The following GRID2 variants were observed in gnomAD, a reference collection of about 807,000 sequenced individuals.
The protein encoded by GRID2 is glutamate ionotropic receptor delta type subunit 2.
In GRID2, 33 loss-of-function variants were observed where a neutral mutation model predicts 114.8. The ratio of observed to expected loss-of-function variants is 0.29; its 90% confidence interval spans 0.22 to 0.38. The LOEUF (loss-of-function observed/expected upper bound fraction) is 0.38, where lower values mean the gene tolerates loss of function less well. Among genes scored for constraint, GRID2 ranks in the 10% least tolerant of loss-of-function variants. GRID2 has a pLI of 1.00. For missense variants in GRID2, 1,184 were observed against 1,257.7 expected (o/e 0.94, Z 0.89); for synonymous variants, 505 against 449.9 (o/e 1.12, Z -1.55).
intron 11 of GRID2, among the ~76,000 whole-genome samples, chr4:93,457,220 C>T (rs1723292937): frequency 6.6e-6 from 1 of 151,990 alleles, no homozygotes; most frequent in South Asian, 2.1e-4. Flanking sequence ...TGTAGAAGCA[C>T]TTAATATATG....
In GRID2 at chr4:93,081,543, G is replaced by A. The variant is rs116698289; in HGVS notation, c.245-3452G>A. Among the ~76,000 whole-genome samples, 304 of 152,250 alleles carry A rather than the reference G, an allele frequency of 2.0e-3. 2 individuals carry two copies. Among genetic ancestry groups the A allele is most frequent in the African/African-American group, 7.2e-3 (299 of 41,560 alleles). On this transcript the variant is annotated intron_variant, in intron 2 of 15. Coordinates refer to ENST00000282020, the MANE Select transcript of GRID2 (RefSeq NM_001510.4). The stretch of plus-strand genomic sequence containing the variant: ...AAAAATAATAGTTGTGCTTTTGGCA[G>A]TTAGTGCAGGCTCCAAACATCTTTG...
At chr4:93,626,152 TC>T in intron 13 of GRID2, 116 bp from the exon 14 acceptor site, 1 of 597,156 alleles carries the variant, frequency 1.7e-6, no homozygotes, top group Non-Finnish European at 2.9e-6. Context: ...GATTATATGT[TC>T]TATTATTTTT....
intron 13 of GRID2, among the ~76,000 whole-genome samples, chr4:93,515,876 T>C (rs531136829): frequency 2.0e-5 from 3 of 152,300 alleles, no homozygotes; most frequent in East Asian, 1.9e-4. Context: ...AAGGTTCCTA[T>C]GGATGTCTGT....
At chr4:93,644,408 A>T (rs1235966964) in intron 14 of GRID2, among the ~76,000 whole-genome samples, 1 of 152,148 alleles carries the variant, frequency 6.6e-6, no homozygotes, top group Non-Finnish European at 1.5e-5. Flanking sequence ...GACAGAAAGG[A>T]ACTGGCACGC....
intron 2 of GRID2, among the ~76,000 whole-genome samples, chr4:92,615,023 T>C (rs1449886785): frequency 6.6e-6 from 1 of 151,470 alleles, no homozygotes; most frequent in Non-Finnish European, 1.5e-5. Flanking sequence ...CTGGTCAGGC[T>C]ACCAAAAACC....
At chr4:92,808,575 G>A (rs1578218810) in intron 2 of GRID2, among the ~76,000 whole-genome samples, 1 of 151,978 alleles carries the variant, frequency 6.6e-6, no homozygotes, top group African/African-American at 2.4e-5. Flanking sequence ...AAGTCAAAGT[G>A]AACTCATTGT....
chr4:93,393,597 T>A (rs1364115748), intron 8 of GRID2, among the ~76,000 whole-genome samples: 1 of 152,024 alleles, frequency 6.6e-6, no homozygotes, highest in Admixed American at 6.6e-5. Context: ...AATACTAGAA[T>A]GCTTTAGAAT....
intron 2 of GRID2, among the ~76,000 whole-genome samples, chr4:92,890,518 C>T (rs1285721038): frequency 6.6e-6 from 1 of 152,112 alleles, no homozygotes; most frequent in Non-Finnish European, 1.5e-5. Flanking sequence ...AAAAAAAGCT[C>T]ATCATCATTG....
intron 1 of GRID2, among the ~76,000 whole-genome samples, chr4:92,333,002 G>GTA (rs1480705511): frequency 6.6e-6 from 1 of 152,160 alleles, no homozygotes; most frequent in Non-Finnish European, 1.5e-5. Flanking sequence ...TCTGGGGGCT[G>GTA]TATAGTTCTG....
intron 1 of GRID2, among the ~76,000 whole-genome samples, chr4:92,507,912 T>C (rs1724055946): frequency 6.6e-6 from 1 of 151,980 alleles, no homozygotes; most frequent in Admixed American, 6.6e-5. Context: ...CTGTGTAGCC[T>C]CTATTATGTA....
At chr4:92,312,174 G>A (rs1329821565) in intron 1 of GRID2, among the ~76,000 whole-genome samples, 1 of 152,056 alleles carries the variant, frequency 6.6e-6, no homozygotes, top group Non-Finnish European at 1.5e-5. Context: ...GTATAGTTCA[G>A]TGAGAAAAGC....
intron 11 of GRID2, among the ~76,000 whole-genome samples, chr4:93,489,830 G>C (rs1726804307): frequency 6.6e-6 from 1 of 151,956 alleles, no homozygotes; most frequent in South Asian, 2.1e-4. Context: ...AAAATAAAAT[G>C]AGTTCTGTTT....
intron 8 of GRID2, among the ~76,000 whole-genome samples, chr4:93,267,184 T>A (rs1750939164): frequency 2.6e-5 from 2 of 77,510 alleles, no homozygotes; most frequent in Non-Finnish European, 2.4e-5. Flanking sequence ...TTTTTAATTT[T>A]ATTATTTTTT....
At chr4:93,667,376 T>G (rs1724036745) in intron 14 of GRID2, among the ~76,000 whole-genome samples, 1 of 150,154 alleles carries the variant, frequency 6.7e-6, no homozygotes, top group Non-Finnish European at 1.5e-5. Context: ...ATCTGTTAGA[T>G]TCTCTCTCTC....
intron 1 of GRID2, among the ~76,000 whole-genome samples, chr4:92,386,596 AAGC>A (rs1729972393): frequency 6.6e-6 from 1 of 151,820 alleles, no homozygotes. Flanking sequence ...AAATATGAAA[AAGC>A]AGAATATATT....
At chr4:92,607,500 A>C (rs1729515034) in intron 2 of GRID2, among the ~76,000 whole-genome samples, 1 of 151,922 alleles carries the variant, frequency 6.6e-6, no homozygotes, top group Non-Finnish European at 1.5e-5. Flanking sequence ...GTTACTGGTG[A>C]ACATTTTTCA....
At chr4:92,556,694 T>C (rs1726865653) in intron 1 of GRID2, among the ~76,000 whole-genome samples, 1 of 152,128 alleles carries the variant, frequency 6.6e-6, no homozygotes, top group African/African-American at 2.4e-5. Context: ...CCAAGCTCAC[T>C]CACTTTGTTC....
chr4:92,562,200 G>A (rs549512769), intron 1 of GRID2, among the ~76,000 whole-genome samples: 2 of 152,204 alleles, frequency 1.3e-5, no homozygotes, highest in Non-Finnish European at 2.9e-5. Context: ...AAATCTCCTT[G>A]AAAAGAACAA....
intron 8 of GRID2, among the ~76,000 whole-genome samples, chr4:93,385,329 G>A (rs936047899): frequency 6.6e-6 from 1 of 152,138 alleles, no homozygotes; most frequent in Non-Finnish European, 1.5e-5. Context: ...ATGACTCTTG[G>A]TGTGAACCCA....
Sources: gnomAD v4.1 joint callset for allele counts (sites outside exome capture counted in the v4.1 genomes callset) on GRCh38, gnomAD v4.1.1 for gene constraint, MANE v1.5 for transcripts, NCBI Gene and HGNC (gene_info 2026-07-23, HGNC 2026-07-21) for gene names.